Variants in KLK3 observed in about 807,000 individuals in gnomAD.
The protein encoded by KLK3 is prostate-specific antigen.
Under a neutral mutation model 27.7 loss-of-function variants are expected in KLK3, and 23 were observed. That is an observed-to-expected ratio of 0.83 (90% CI 0.60 to 1.17). The LOEUF (loss-of-function observed/expected upper bound fraction) is 1.17, where lower values mean the gene tolerates loss of function less well. KLK3 is among the 50% of genes most tolerant of loss of function. The pLI is 0.00. For synonymous variants in KLK3, 142 were observed against 134.2 expected, an observed-to-expected ratio of 1.06 and a Z score of -0.40; for missense variants, 322 against 338.1, an observed-to-expected ratio of 0.95 and a Z score of 0.37.
chr19:50,855,272 G>C lies in KLK3; in HGVS notation c.46+271G>C, dbSNP rs2090140008. On this transcript the variant is annotated intron_variant, in intron 1 of 4. Transcript: ENST00000326003. The stretch of plus-strand genomic sequence containing the variant: ...CCCTGCTCCCAGCTGCTTTACTAAA[G>C]GGGAAGTTCCTGGGCATCTCCGTGT... 1.1e-5 allele frequency: 6 copies of C among 531,280 alleles called. No homozygotes were observed. In the East Asian group the frequency reaches 1.9e-4, roughly 17 times the overall value. The allele number at this position is 531,280 out of a possible 1,614,324, so 32.9% of individuals were successfully genotyped here.
chr19:50,854,961 G>C lies in KLK3; in HGVS notation c.6G>C (p.Trp2Cys). 6.2e-7 allele frequency: 1 copy of C among 1,613,838 alleles called. No individual in the cohort carries two copies. The highest frequency in any genetic ancestry group is 8.5e-7 in the Non-Finnish European group (1 of 1,179,880). MWVPVVFLTLSV... is the reference protein window; with the variant it reads MCVPVVFLTLSV... ...ACCCGGAGAGCTGTGTCACCATGTGGGTCCCGGTTGTCTTCCTCACCCTGT... is the reference window on the plus strand; with the variant it reads ...ACCCGGAGAGCTGTGTCACCATGTGCGTCCCGGTTGTCTTCCTCACCCTGT... The change falls in exon 1 of 5, where the codon TGG becomes TGC. Residue 2 changes from tryptophan (W) to cysteine (C), a missense_variant. Coordinates refer to ENST00000326003, the MANE Select transcript of KLK3 (RefSeq NM_001648.2).
chr19:50,860,163 A>G lies in KLK3; in HGVS notation c.*36A>G. 6.5e-7 allele frequency: 1 copy of G among 1,530,812 alleles called. No individual in the cohort carries two copies. Among genetic ancestry groups the G allele is most frequent in the Non-Finnish European group, 9.0e-7 (1 of 1,110,762 alleles). 94.8% of individuals were successfully genotyped at this position (1,530,812 alleles called of 1,614,324 possible). ...CAACCCCCTATTGTAGTAAACTTGG[A>G]ACCTTGGAAATGACCAGGCCAAGAC... On this transcript the variant is annotated 3_prime_UTR_variant, in exon 5 of 5. Transcript: ENST00000326003.
chr19:50,858,227 T>C lies in KLK3; in HGVS notation c.405T>C (p.Ala135=). 6.2e-7 allele frequency: 1 copy of C among 1,614,226 alleles called. No individual in the cohort carries two copies. Among genetic ancestry groups the C allele is most frequent in the Non-Finnish European group, 8.5e-7 (1 of 1,180,048 alleles). Residue 135 remains alanine, a synonymous_variant, in exon 3 of 5, where the codon GCT becomes GCC. Transcript: ENST00000326003. The part of the protein sequence containing the change: ...RLSEPAELTD[A]VKVMDLPTQE... ...CAGAGCCTGCCGAGCTCACGGATGC[T>C]GTGAAGGTCATGGACCTGCCCACCC...
Position 50,858,532 on chromosome 19 carries a change from T to A in KLK3, c.567T>A (p.Pro189=), listed in dbSNP as rs572619039. The A allele has an allele frequency of 3.0e-5, 48 of 1,614,200 alleles. 1 individual carries two copies. The South Asian group carries it at 5.2e-4, about 17-fold the overall frequency. ...ATGACGTGTGTGCGCAAGTTCACCC[T>A]CAGAAGGTGACCAAGTTCATGCTGT... is the stretch of plus-strand genomic sequence containing the variant. ...ISNDVCAQVH[P]QKVTKFMLCA... The change falls in exon 4 of 5, where the codon CCT becomes CCA. Residue 189 remains proline (P), a synonymous_variant. Transcript: ENST00000326003.
At chr19:50,858,786 A>C in intron 4 of KLK3, 191 bp downstream of exon 4, 1 of 644,336 alleles carries the variant, frequency 1.6e-6, no homozygotes, top group Non-Finnish European at 2.7e-6. Flanking sequence ...GGTTATTCTT[A>C]CAGCACAACT....
At position 50,860,289 on chromosome 19, in the gene KLK3, T is replaced by C. The variant is rs16987771; in HGVS notation, c.*162T>C. 1,998 of 562,594 alleles carry C rather than the reference T, an allele frequency of 3.6e-3. 26 individuals are homozygous for C. The highest frequency in any genetic ancestry group is 0.034 in the African/African-American group (1,787 of 53,100). 34.9% of individuals were successfully genotyped at this position (562,594 alleles called of 1,614,324 possible). On this transcript the variant is annotated 3_prime_UTR_variant, in exon 5 of 5. Transcript: ENST00000326003. ...CACAGGTGTAGACCAGAGTGTTTCT[T>C]AAATGGTGTAATTTTGTCCTCTCTG...
At chr19:50,858,729 T>A in intron 4 of KLK3, 134 bp downstream of exon 4, 1 of 919,476 alleles carries the variant, frequency 1.1e-6, no homozygotes. Flanking sequence ...TCCCCGTGTC[T>A]CATCTCATTC....
In KLK3 at chr19:50,858,248, C is replaced by T. The variant is rs752607029; in HGVS notation, c.426C>T (p.Pro142=). ...ATGCTGTGAAGGTCATGGACCTGCC[C>T]ACCCAGGAGCCAGCACTGGGGACCA... The part of the protein sequence containing the change: ...LTDAVKVMDL[P]TQEPALGTTC... Residue 142 remains proline, a synonymous_variant, in exon 3 of 5, where the codon CCC becomes CCT. Transcript: ENST00000326003. 5.0e-6 allele frequency: 8 copies of T among 1,614,198 alleles called. No individual in the cohort carries two copies. Among genetic ancestry groups the T allele is most frequent in the South Asian group, 4.4e-5 (4 of 91,086 alleles).
Position 50,858,146 on chromosome 19 carries a change from T to A in KLK3, c.324T>A (p.Asn108Lys). The A allele has an allele frequency of 6.2e-7, 1 of 1,614,080 alleles. No individual in the cohort carries two copies. The highest frequency in any genetic ancestry group is 8.5e-7 in the Non-Finnish European group (1 of 1,179,982). Residue 108 changes from asparagine (N) to lysine (K), a missense_variant, in exon 3 of 5, where the codon AAT becomes AAA. Physicochemically the swap from Asn to Lys is moderately conservative, Grantham distance 94. Transcript: ENST00000326003. Reference protein sequence around the residue: ...HPLYDMSLLKNRFLRPGDDSS... With the variant: ...HPLYDMSLLKKRFLRPGDDSS... ...TCTACGATATGAGCCTCCTGAAGAA[T>A]CGATTCCTCAGGCCAGGTGATGACT... is the stretch of plus-strand genomic sequence containing the variant.
chr19:50,856,228 C>T lies in KLK3; in HGVS notation c.47-12C>T, dbSNP rs2090145696. ...CAACCCTGATTCCCCTGATCTAGCA[C>T]CCCCTCTGCAGGTGCTGCACCCCTC... is the stretch of plus-strand genomic sequence containing the variant. On this transcript the variant is annotated splice_polypyrimidine_tract_variant and intron_variant, in intron 1 of 4. Coordinates refer to ENST00000326003, the MANE Select transcript of KLK3 (RefSeq NM_001648.2). 4 of 1,608,620 alleles carry T rather than the reference C, an allele frequency of 2.5e-6. No individual in the cohort carries two copies. The highest frequency in any genetic ancestry group is 1.3e-5 in the African/African-American group (1 of 74,806).
chr19:50,856,536 G>C (rs938873126), intron 2 of KLK3, 137 bp downstream of exon 2: 2 of 1,092,334 alleles, frequency 1.8e-6, no homozygotes, highest in Non-Finnish European at 2.6e-6. Flanking sequence ...CAGGTCACAT[G>C]GGGAGGCAGG....
rs1414851979 is a variant in KLK3 at position 50,860,699 on chromosome 19, C to T, written c.*572C>T. 1 of 152,198 alleles carries T rather than the reference C, an allele frequency of 6.6e-6. No individual in the cohort carries two copies. Among genetic ancestry groups the T allele is most frequent in the Non-Finnish European group, 1.5e-5 (1 of 68,078 alleles). The allele number at this position is 152,198 out of a possible 1,614,324, so 9.4% of individuals were successfully genotyped here. On this transcript the variant is annotated 3_prime_UTR_variant, in exon 5 of 5. Coordinates refer to ENST00000326003, the MANE Select transcript of KLK3 (RefSeq NM_001648.2). Reference sequence around the variant, plus strand: ...TGGGGGGAGGTGTATTGAAGTCCTCCAGACAACCCTCAGATTTGATGATTT... The same window carrying T: ...TGGGGGGAGGTGTATTGAAGTCCTCTAGACAACCCTCAGATTTGATGATTT...
chr19:50,859,779 G>T, intron 4 of KLK3, 193 bp from the exon 5 acceptor site: 1 of 1,470,932 alleles, frequency 6.8e-7, no homozygotes, highest in Non-Finnish European at 9.0e-7. Flanking sequence ...CCACCGGCCA[G>T]GACTGGAGCC....
chr19:50,860,220 C>G lies in KLK3; in HGVS notation c.*93C>G. The G allele has an allele frequency of 1.0e-6, 1 of 996,454 alleles. No individual in the cohort carries two copies. The allele number at this position is 996,454 out of a possible 1,614,324, so 61.7% of individuals were successfully genotyped here. ...CTCCCCAGTTCTACTGACCTTTGTC[C>G]TTAGGTGTGAGGTCCAGGGTTGCTA... On this transcript the variant is annotated 3_prime_UTR_variant, in exon 5 of 5. Coordinates refer to ENST00000326003, the MANE Select transcript of KLK3 (RefSeq NM_001648.2).
intron 2 of KLK3, 132 bp downstream of exon 2, chr19:50,856,531 C>T (rs1251574961): frequency 4.3e-6 from 5 of 1,169,356 alleles, no homozygotes; most frequent in Non-Finnish European, 5.9e-6. Flanking sequence ...TGGTTCAGGT[C>T]ACATGGGGAG....
chr19:50,856,002 A>C, intron 1 of KLK3: 3 of 512,234 alleles, frequency 5.9e-6, no homozygotes, highest in Non-Finnish European at 1.0e-5. Context: ...CCTGGGTTCA[A>C]CTCTGCTCCC....
rs1002396638 is a variant in KLK3 at position 50,859,679 on chromosome 19, G to A, written c.631-293G>A. On this transcript the variant is annotated intron_variant, in intron 4 of 4. Transcript: ENST00000326003. Reference sequence around the variant, plus strand: ...CCACGGGGACAGCATCCTGCAGATGGTCCTGGCCCTTGTCCCACCGACCTG... The same window carrying A: ...CCACGGGGACAGCATCCTGCAGATGATCCTGGCCCTTGTCCCACCGACCTG... 4 of 1,595,818 alleles carry A rather than the reference G, an allele frequency of 2.5e-6. No homozygotes were observed. In the African/African-American group the frequency reaches 5.4e-5, roughly 21 times the overall value.
intron 1 of KLK3, 76 bp downstream of exon 1, chr19:50,855,077 C>G (rs266881): frequency 2.0e-6 from 3 of 1,496,210 alleles, no homozygotes; most frequent in Admixed American, 3.4e-5. Context: ...CTTTCCCCCC[C>G]AACCCAGCAC....
chr19:50,856,108 G>A, intron 1 of KLK3, 132 bp from the exon 2 acceptor site: 1 of 742,272 alleles, frequency 1.3e-6, no homozygotes, highest in African/African-American at 1.8e-5. Context: ...CCCTGCCCAT[G>A]TCCCAGGACT....
Sources: allele counts gnomAD v4.1 joint callset, GRCh38; gene constraint gnomAD v4.1.1; transcripts MANE v1.5; gene names NCBI Gene and HGNC (gene_info 2026-07-23, HGNC 2026-07-21).